The following RTF2 variants were observed in gnomAD, a reference collection of about 807,000 sequenced individuals.
RTF2 encodes the protein UPF0549 protein C20orf43.
In RTF2, 18 loss-of-function variants were observed where a neutral mutation model predicts 38.0. The observed-to-expected ratio is 0.47, with a 90% CI of 0.33 to 0.70. RTF2 has a LOEUF of 0.70. Among genes scored for constraint, RTF2 ranks in the 30% least tolerant of loss-of-function variants. The pLI, the probability that RTF2 is intolerant of heterozygous loss-of-function variation, is 0.02. For synonymous variants in RTF2, 126 were observed against 137.1 expected (o/e 0.92, Z 0.57); for missense variants, 311 against 379.6 (o/e 0.82, Z 1.50).
chr20:56,515,296 G>A (rs533537399), intron 6 of RTF2, among the ~76,000 whole-genome samples: 36 of 152,232 alleles, frequency 2.4e-4, no homozygotes, highest in Non-Finnish European at 3.5e-4. Context: ...GGGCAGCCGG[G>A]TGCCGTGGCT....
At chr20:56,472,432 T>G (rs971981696) in intron 1 of RTF2, 1 of 1,450,992 alleles carries the variant, frequency 6.9e-7, no homozygotes, top group Non-Finnish European at 9.5e-7. Context: ...GAAAATGTCA[T>G]TCGAGGGCCA....
At chr20:56,475,028 G>A (rs369923437) in intron 3 of RTF2, among the ~76,000 whole-genome samples, 3 of 152,280 alleles carry the variant, frequency 2.0e-5, no homozygotes, top group East Asian at 1.9e-4. Context: ...CTCTATTAAT[G>A]TTAGGAGGCA....
At chr20:56,508,214 A>G (rs1292377940) in intron 5 of RTF2, among the ~76,000 whole-genome samples, 1 of 152,198 alleles carries the variant, frequency 6.6e-6, no homozygotes, top group African/African-American at 2.4e-5. Context: ...CAGCTAAGGC[A>G]GGGGCTGAGG....
intron 5 of RTF2, chr20:56,496,690 CTT>C: frequency 1.3e-6 from 2 of 1,549,396 alleles, no homozygotes; most frequent in Non-Finnish European, 1.7e-6. Context: ...CTGCGGATGT[CTT>C]TGGACCACTG....
chr20:56,517,756 C>A (rs1427877382), intron 8 of RTF2, among the ~76,000 whole-genome samples: 1 of 152,138 alleles, frequency 6.6e-6, no homozygotes, highest in Non-Finnish European at 1.5e-5. Flanking sequence ...GGGTGGCTGA[C>A]AGGCTCCCAT....
chr20:56,497,255 A>G, intron 5 of RTF2: 2 of 1,551,816 alleles, frequency 1.3e-6, no homozygotes, highest in Non-Finnish European at 8.7e-7. Flanking sequence ...CCAGCTCCTT[A>G]TGAATAGTTA....
At chr20:56,516,122 T>C (rs570420724) in intron 6 of RTF2, 8 of 152,328 alleles carry the variant, frequency 5.3e-5, no homozygotes, top group Admixed American at 3.9e-4. Flanking sequence ...ACACTGCATG[T>C]ATATGTTAGA....
intron 2 of RTF2, among the ~76,000 whole-genome samples, chr20:56,473,625 T>C (rs1982084417): frequency 6.6e-6 from 1 of 152,184 alleles, no homozygotes; most frequent in African/African-American, 2.4e-5. Context: ...GGCTCACACC[T>C]GTAATCCCAC....
At chr20:56,500,673 A>T (rs1262432712) in intron 5 of RTF2, among the ~76,000 whole-genome samples, 3 of 152,174 alleles carry the variant, frequency 2.0e-5, no homozygotes, top group African/African-American at 7.2e-5. Flanking sequence ...GGCCCAGTTA[A>T]ATCTTCCCTC....
intron 5 of RTF2, among the ~76,000 whole-genome samples, chr20:56,488,704 A>G (rs566330713): frequency 6.6e-6 from 1 of 152,382 alleles, no homozygotes; most frequent in African/African-American, 2.4e-5. Flanking sequence ...CAGATAAGAC[A>G]CAGCATAGGC....
intron 5 of RTF2, among the ~76,000 whole-genome samples, chr20:56,486,074 C>T (rs929397261): frequency 2.6e-5 from 4 of 152,100 alleles, no homozygotes; most frequent in East Asian, 1.9e-4. Flanking sequence ...TCTGGGGAGG[C>T]GCACAGCCAG....
At chr20:56,476,822 G>C (rs1186794071) in intron 3 of RTF2, among the ~76,000 whole-genome samples, 163 bp from the exon 4 acceptor site, 1 of 152,186 alleles carries the variant, frequency 6.6e-6, no homozygotes, top group African/African-American at 2.4e-5. Context: ...TCTATATATG[G>C]TTTAATATTA....
At position 56,495,884 on chromosome 20, in the gene RTF2, A is replaced by C. The variant is rs148136805; in HGVS notation, c.477+11695A>C. On this transcript the variant is annotated intron_variant, in intron 5 of 8. Coordinates refer to ENST00000357348, the MANE Select transcript of RTF2 (RefSeq NM_016407.5). ...GGTATCTGATTTCCCTCTACCTCTC[A>C]GAGAACCCATCTGAAGTATCAGATT... is the stretch of plus-strand genomic sequence containing the variant. Among the ~76,000 whole-genome samples, 55 of 152,336 alleles carry C rather than the reference A, an allele frequency of 3.6e-4. 1 individual carries two copies. In the East Asian group the frequency reaches 9.6e-3, roughly 27 times the overall value.
At chr20:56,472,366 A>G in intron 1 of RTF2, 5 of 1,548,116 alleles carry the variant, frequency 3.2e-6, no homozygotes, top group Non-Finnish European at 3.5e-6. Context: ...TGCAGTCTAC[A>G]CAGTGAAGGA....
chr20:56,474,727 G>C lies in RTF2; in HGVS notation c.214G>C (p.Glu72Gln), dbSNP rs548721487. The change falls in exon 3 of 9, where the codon GAA becomes CAA. Residue 72 changes from glutamate (E) to glutamine (Q), a missense_variant. By Grantham distance (29) the Glu-to-Gln change is conservative. Coordinates refer to ENST00000357348, the MANE Select transcript of RTF2 (RefSeq NM_016407.5). ...TGAATTTCTCTTGGACAAATCTGCA[G>C]AAAAGGCTCTTGGGAAGGCAGCATC... ...VIEFLLDKSA[E>Q]KALGKAASHI... The C allele has an allele frequency of 1.9e-5, 30 of 1,612,084 alleles. No homozygotes were observed. Among genetic ancestry groups the C allele is most frequent in the Non-Finnish European group, 2.2e-5 (26 of 1,179,366 alleles).
chr20:56,499,422 C>G (rs1983778027), intron 5 of RTF2, among the ~76,000 whole-genome samples: 1 of 151,948 alleles, frequency 6.6e-6, no homozygotes, highest in Non-Finnish European at 1.5e-5. Flanking sequence ...ACCTCGTGAT[C>G]CACCCGCCTA....
intron 5 of RTF2, among the ~76,000 whole-genome samples, chr20:56,512,497 C>T (rs536827773): frequency 2.0e-5 from 3 of 151,292 alleles, no homozygotes; most frequent in Admixed American, 6.6e-5. Context: ...AGAGGTGGCT[C>T]ACTCACTGAC....
chr20:56,514,296 C>T (rs1281829419), intron 6 of RTF2: 6 of 151,188 alleles, frequency 4.0e-5, no homozygotes, highest in Non-Finnish European at 4.4e-5. Flanking sequence ...TTCATGTTTA[C>T]AGATGATAGC....
At chr20:56,490,120 T>C (rs1983028308) in intron 5 of RTF2, among the ~76,000 whole-genome samples, 1 of 152,230 alleles carries the variant, frequency 6.6e-6, no homozygotes. Flanking sequence ...TCCAAATCCC[T>C]TTTCCTTCTG....
Sources: gnomAD v4.1 joint callset for allele counts (sites outside exome capture counted in the v4.1 genomes callset) on GRCh38, gnomAD v4.1.1 for gene constraint, MANE v1.5 for transcripts, NCBI Gene and HGNC (gene_info 2026-07-23, HGNC 2026-07-21) for gene names.